TENM2: variants seen among roughly 807,000 people sequenced by gnomAD.
TENM2 encodes teneurin-2.
TENM2 carries 52 observed loss-of-function variants against 245.2 expected under a neutral mutation model. The observed-to-expected ratio is 0.21, with a 90% CI of 0.17 to 0.27. The LOEUF (loss-of-function observed/expected upper bound fraction) is 0.27. TENM2 is among the 10% of genes least tolerant of loss of function. The pLI, the probability that TENM2 is intolerant of heterozygous loss-of-function variation, is 1.00. For missense variants in TENM2, 3,046 were observed against 3,666.8 expected (o/e 0.83, Z 4.37); for synonymous variants, 1,363 against 1,438.9 (o/e 0.95, Z 1.19).
At chr5:168,155,778 C>T (rs1410286036) in intron 12 of TENM2, among the ~76,000 whole-genome samples, 5 of 150,872 alleles carry the variant, frequency 3.3e-5, no homozygotes, top group African/African-American at 9.7e-5. Flanking sequence ...GCTGTCATAA[C>T]AACTATATAG....
At chr5:167,622,855 T>C (rs928480058) in intron 2 of TENM2, among the ~76,000 whole-genome samples, 6 of 152,116 alleles carry the variant, frequency 3.9e-5, no homozygotes, top group African/African-American at 1.4e-4. Context: ...AGTTTTTGTT[T>C]TGTTTGCTTC....
intron 3 of TENM2, among the ~76,000 whole-genome samples, chr5:167,897,228 G>T (rs527955123): frequency 2.6e-5 from 4 of 151,728 alleles, no homozygotes; most frequent in Non-Finnish European, 1.5e-5. Flanking sequence ...ATGAGGACCC[G>T]CACTATTTCT....
the TENM2 span, among the ~76,000 whole-genome samples, chr5:167,125,708 T>G: frequency 6.6e-6 from 1 of 152,184 alleles, no homozygotes; most frequent in African/African-American, 2.4e-5. Context: ...ATCGTCCGTA[T>G]GCAGCTTGCT....
At chr5:168,198,924 A>G in exon 16 of TENM2, 1 of 1,614,030 alleles carries the variant, frequency 6.2e-7, no homozygotes, top group Middle Eastern at 1.6e-4. Flanking sequence ...ATGAGCCAGG[A>G]GCGCACTGTG....
intron 5 of TENM2, among the ~76,000 whole-genome samples, chr5:168,025,179 G>A (rs1461029347): frequency 2.0e-5 from 3 of 152,206 alleles, no homozygotes; most frequent in Non-Finnish European, 4.4e-5. Context: ...CAAAAAAAAT[G>A]TATTGGGAGG....
the TENM2 span, among the ~76,000 whole-genome samples, chr5:167,180,363 C>G: frequency 1.2e-4 from 18 of 152,224 alleles, no homozygotes; most frequent in Non-Finnish European, 2.1e-4. Context: ...CCCGCCTCAG[C>G]CTCCCAAACA....
At chr5:167,743,756 G>C (rs950572552) in intron 2 of TENM2, among the ~76,000 whole-genome samples, 2 of 152,132 alleles carry the variant, frequency 1.3e-5, no homozygotes, top group African/African-American at 4.8e-5. Context: ...TTCGATTGGA[G>C]AGAAATAGAG....
At chr5:168,047,266 TGCTTTCTGTATTTA>T (rs755830738) in intron 5 of TENM2, among the ~76,000 whole-genome samples, 147 bp from the exon 8 acceptor site, 22 of 152,334 alleles carry the variant, frequency 1.4e-4, no homozygotes, top group Non-Finnish European at 7.4e-5. Flanking sequence ...CCCAGGTCTC[TGCTTTCTGTATTTA>T]GCTAATCCCT....
intron 10 of TENM2, among the ~76,000 whole-genome samples, chr5:168,121,606 C>T (rs976468713): frequency 4.6e-5 from 7 of 152,112 alleles, no homozygotes; most frequent in African/African-American, 7.2e-5. Flanking sequence ...TTCCTTTATA[C>T]TATAATTCAG....
intron 6 of TENM2, among the ~76,000 whole-genome samples, chr5:168,058,987 G>A (rs1003823104): frequency 2.0e-5 from 3 of 152,148 alleles, no homozygotes; most frequent in Admixed American, 1.3e-4. Context: ...CATAAAAGAA[G>A]CAGAGCCAGG....
rs1043957681 is a variant in TENM2 at position 167,855,126 on chromosome 5, C to T, written c.503-20860C>T. Among the ~76,000 whole-genome samples, 10 of 152,250 alleles carry T rather than the reference C, an allele frequency of 6.6e-5. No individual in the cohort carries two copies. The East Asian group carries it at 1.7e-3, about 27-fold the overall frequency. ...CCTCCCTCTTCTCCATCTCTCATTCCACTCCAGGTGCACTCACCTGCTTGC... is the reference window on the plus strand; with the variant it reads ...CCTCCCTCTTCTCCATCTCTCATTCTACTCCAGGTGCACTCACCTGCTTGC... On this transcript the variant is annotated intron_variant, in intron 2 of 28. Transcript: ENST00000518659.
At chr5:167,431,390 C>G (rs781574568) in intron 2 of TENM2, among the ~76,000 whole-genome samples, 2 of 151,834 alleles carry the variant, frequency 1.3e-5, no homozygotes, top group Non-Finnish European at 2.9e-5. Flanking sequence ...AAAGCTGGGA[C>G]AAAAGTGTAT....
intron 2 of TENM2, among the ~76,000 whole-genome samples, chr5:167,760,916 G>T (rs920001648): frequency 6.6e-6 from 1 of 152,052 alleles, no homozygotes; most frequent in African/African-American, 2.4e-5. Context: ...CTCCCAAAGT[G>T]CTGGGATTAC....
chr5:167,028,175 G>GATGGT, the TENM2 span, among the ~76,000 whole-genome samples: 1 of 151,072 alleles, frequency 6.6e-6, no homozygotes, highest in African/African-American at 2.4e-5. Context: ...TCATTCCCAT[G>GATGGT]AATAAAGGGC....
chr5:167,762,427 CAT>C (rs1316275814), intron 2 of TENM2, among the ~76,000 whole-genome samples: 1 of 152,200 alleles, frequency 6.6e-6, no homozygotes, highest in Non-Finnish European at 1.5e-5. Flanking sequence ...GATGGCCAAT[CAT>C]ATTCTAGAGA....
chr5:167,987,282 T>A (rs1041122074), intron 4 of TENM2, among the ~76,000 whole-genome samples: 7 of 152,040 alleles, frequency 4.6e-5, no homozygotes, highest in African/African-American at 1.7e-4. Context: ...CAGGTAGAAT[T>A]TCTTAAATGT....
At chr5:167,098,452 A>G in the TENM2 span, among the ~76,000 whole-genome samples, 8 of 152,226 alleles carry the variant, frequency 5.3e-5, no homozygotes, top group Admixed American at 4.6e-4. Flanking sequence ...CCAGCGTTGC[A>G]GATTTGGGTC....
At chr5:167,600,571 T>C (rs1290961466) in intron 2 of TENM2, among the ~76,000 whole-genome samples, 1 of 152,208 alleles carries the variant, frequency 6.6e-6, no homozygotes, top group Non-Finnish European at 1.5e-5. Context: ...AAAGTGATTA[T>C]ATGTGGTGTT....
chr5:167,365,598 A>G (rs1204587919), intron 1 of TENM2, among the ~76,000 whole-genome samples: 1 of 151,986 alleles, frequency 6.6e-6, no homozygotes, highest in Non-Finnish European at 1.5e-5. Context: ...TATTAAAAAA[A>G]GTCATAAATG....
Sources: allele counts gnomAD v4.1 joint callset (sites outside exome capture counted in the v4.1 genomes callset), GRCh38; gene constraint gnomAD v4.1.1; transcripts MANE v1.5; gene names NCBI Gene and HGNC (gene_info 2026-07-23, HGNC 2026-07-21).